DMD: variants seen among roughly 807,000 people sequenced by gnomAD.
DMD encodes the protein dystrophin, also known as mutant dystrophin.
Under a neutral mutation model 330.1 loss-of-function variants are expected in DMD, and 63 were observed. The observed-to-expected ratio is 0.19, with a 90% CI of 0.16 to 0.24. DMD has a LOEUF of 0.24. Among genes scored for constraint, DMD ranks in the 10% least tolerant of loss-of-function variants. The pLI is 1.00. For synonymous variants in DMD, 1,223 were observed against 959.8 expected, an observed-to-expected ratio of 1.27 and a Z score of -5.07; for missense variants, 3,344 against 2,684.1, an observed-to-expected ratio of 1.25 and a Z score of -5.43.
At chrX:32,527,008 T>A (rs745486786) in intron 17 of DMD, among the ~76,000 whole-genome samples, 11 of 112,257 alleles carry the variant, frequency 9.8e-5, no homozygotes, top group Non-Finnish European at 2.1e-4. Context: ...GCTCCCAGAC[T>A]TAACTAATTT....
intron 49 of DMD, among the ~76,000 whole-genome samples, chrX:31,832,117 G>A (rs1294016889): frequency 1.8e-5 from 2 of 111,745 alleles, no homozygotes; most frequent in African/African-American, 6.5e-5. Flanking sequence ...GATTTCTGTT[G>A]CTACAAGTGA....
intron 47 of DMD, among the ~76,000 whole-genome samples, chrX:31,893,660 G>A (rs1005599080): frequency 1.8e-5 from 2 of 110,452 alleles, no homozygotes; most frequent in African/African-American, 6.6e-5. Flanking sequence ...CTTGTAGGAG[G>A]GATAGGCAGG....
At chrX:32,683,788 A>AAT (rs1491136454) in intron 9 of DMD, among the ~76,000 whole-genome samples, 2 of 86,652 alleles carry the variant, frequency 2.3e-5, no homozygotes, top group African/African-American at 1.4e-4. Context: ...AAAGTATAAT[A>AAT]AAAAAAAAAA....
intron 55 of DMD, among the ~76,000 whole-genome samples, chrX:31,627,066 C>T (rs753322098): frequency 3.6e-5 from 4 of 112,031 alleles, no homozygotes; most frequent in Admixed American, 9.5e-5. Context: ...AACTACCCCA[C>T]GTTCTGTTTT....
At chrX:32,569,279 C>T (rs756747294) in intron 15 of DMD, among the ~76,000 whole-genome samples, 12 of 111,839 alleles carry the variant, frequency 1.1e-4, no homozygotes, top group African/African-American at 1.6e-4. Flanking sequence ...ATCAGGAATA[C>T]GCATAAGAGA....
intron 51 of DMD, among the ~76,000 whole-genome samples, chrX:31,735,849 C>G (rs2086833134): frequency 8.9e-6 from 1 of 111,848 alleles, no homozygotes; most frequent in African/African-American, 3.3e-5. Flanking sequence ...ATTATTCCAC[C>G]TCTCTGAGTG....
At chrX:32,168,291 C>T (rs938562714) in intron 44 of DMD, among the ~76,000 whole-genome samples, 1 of 111,457 alleles carries the variant, frequency 9.0e-6, no homozygotes, top group African/African-American at 3.3e-5. Context: ...CTCCCCAATG[C>T]TAGACTAACA....
intron 11 of DMD, among the ~76,000 whole-genome samples, chrX:32,633,969 G>A (rs181193019): frequency 2.0e-4 from 22 of 111,809 alleles, no homozygotes; most frequent in African/African-American, 6.8e-4. Flanking sequence ...ACAATTCAAC[G>A]TGAGATTTGA....
chrX:33,060,814 G>A (rs1161071107), intron 1 of DMD, among the ~76,000 whole-genome samples: 2 of 99,349 alleles, frequency 2.0e-5, no homozygotes, highest in Non-Finnish European at 4.0e-5. Context: ...TCCAGCCTGG[G>A]CAATAAGAGT....
At chrX:31,452,994 T>C (rs1246782263) in intron 59 of DMD, among the ~76,000 whole-genome samples, 2 of 111,835 alleles carry the variant, frequency 1.8e-5, no homozygotes, top group African/African-American at 6.5e-5. Flanking sequence ...TACAACTCAA[T>C]AGCAAGAAAA....
At chrX:32,089,005 T>A (rs1022982143) in intron 44 of DMD, among the ~76,000 whole-genome samples, 6 of 111,825 alleles carry the variant, frequency 5.4e-5, no homozygotes, top group African/African-American at 2.0e-4. Flanking sequence ...TTTCTGGAGA[T>A]CCATTCAATA....
At chrX:32,312,255 T>A (rs1374744841) in intron 41 of DMD, among the ~76,000 whole-genome samples, 2 of 111,324 alleles carry the variant, frequency 1.8e-5, no homozygotes, top group African/African-American at 6.5e-5. Flanking sequence ...ACAAAAGCAG[T>A]GGGAATTCAG....
intron 70 of DMD, 23 bp downstream of exon 70, chrX:31,178,646 G>A: frequency 5.8e-6 from 7 of 1,199,219 alleles, no homozygotes; most frequent in Non-Finnish European, 7.9e-6. Context: ...ACAAGAGTGT[G>A]TTCTGCTTTT....
chrX:32,424,420 TA>T lies in DMD; in HGVS notation c.4072-12508del, dbSNP rs906550278. ...ATTAAAGCATTTATTGTTAATTAATTATCCTCAATGAAATATTTTCAAGTAA... is the reference window on the plus strand; with the variant it reads ...ATTAAAGCATTTATTGTTAATTAATTTCCTCAATGAAATATTTTCAAGTAA... On this transcript the variant is annotated intron_variant, in intron 29 of 78. Transcript: ENST00000357033. Among the ~76,000 whole-genome samples the T allele has an allele frequency of 2.7e-5, 3 of 111,480 alleles. No individual in the cohort carries two copies. The Admixed American group carries it at 2.9e-4, about 11-fold the overall frequency.
chrX:32,387,638 A>G (rs1049641654), intron 32 of DMD, among the ~76,000 whole-genome samples: 3 of 111,504 alleles, frequency 2.7e-5, no homozygotes, highest in African/African-American at 9.7e-5. Flanking sequence ...AAATGATGTT[A>G]ACATTCCTTC....
At chrX:32,571,588 A>G (rs772966416) in intron 15 of DMD, among the ~76,000 whole-genome samples, 3 of 112,032 alleles carry the variant, frequency 2.7e-5, no homozygotes, top group Non-Finnish European at 5.6e-5. Context: ...CTTCTGAATC[A>G]ATAACTAGTC....
chrX:32,367,595 G>A (rs1254899179), intron 34 of DMD, among the ~76,000 whole-genome samples: 4 of 112,018 alleles, frequency 3.6e-5, no homozygotes, highest in African/African-American at 1.3e-4. Flanking sequence ...AAACTCAGAA[G>A]AGATCACAAA....
At chrX:33,181,979 T>G (rs1284211482) in intron 1 of DMD, among the ~76,000 whole-genome samples, 1 of 111,934 alleles carries the variant, frequency 8.9e-6, no homozygotes, top group Non-Finnish European at 1.9e-5. Context: ...CACCTTTATA[T>G]GAACCAGAAA....
chrX:32,263,075 A>C (rs2097330023), intron 43 of DMD, among the ~76,000 whole-genome samples: 1 of 112,376 alleles, frequency 8.9e-6, no homozygotes, highest in Non-Finnish European at 1.9e-5. Context: ...CTAAGATAAC[A>C]ACCTAATATG....
Sources: allele counts gnomAD v4.1 joint callset (sites outside exome capture counted in the v4.1 genomes callset), GRCh38; gene constraint gnomAD v4.1.1; transcripts MANE v1.5; gene names NCBI Gene and HGNC (gene_info 2026-07-23, HGNC 2026-07-21).